Variants in RALYL observed in about 807,000 individuals in gnomAD.
RALYL encodes the protein RALY RNA binding protein like, also known as RNA-binding Raly-like protein.
A neutral mutation model predicts 35.1 loss-of-function variants in RALYL; 29 were observed. The observed-to-expected ratio is 0.83, with a 90% CI of 0.61 to 1.13. The LOEUF (loss-of-function observed/expected upper bound fraction) is 1.13. RALYL is among the 50% of genes most tolerant of loss of function. The probability of loss-of-function intolerance (pLI) is 0.00; values close to 1 mark genes in which losing one functional copy is unlikely to be tolerated. For synonymous variants in RALYL, 120 were observed against 127.6 expected (o/e 0.94, Z 0.40); for missense variants, 359 against 360.4 (o/e 1.00, Z 0.03).
chr8:84,701,298 G>A (rs1040065571), intron 2 of RALYL, among the ~76,000 whole-genome samples: 4 of 152,146 alleles, frequency 2.6e-5, no homozygotes, highest in African/African-American at 9.7e-5. Flanking sequence ...TCTTCCTTCA[G>A]TTATCTTTTC....
At chr8:84,674,678 A>G (rs1033623087) in intron 2 of RALYL, among the ~76,000 whole-genome samples, 3 of 152,304 alleles carry the variant, frequency 2.0e-5, no homozygotes, top group Admixed American at 2.0e-4. Flanking sequence ...TGTATAATCC[A>G]GGTGGACAGG....
intron 1 of RALYL, among the ~76,000 whole-genome samples, chr8:84,206,081 T>G (rs1482520884): frequency 6.6e-6 from 1 of 152,170 alleles, no homozygotes; most frequent in Non-Finnish European, 1.5e-5. Flanking sequence ...TTATTACCTC[T>G]TTAAAGGCCC....
chr8:84,512,858 G>T (rs181677556), intron 1 of RALYL, among the ~76,000 whole-genome samples: 26 of 152,042 alleles, frequency 1.7e-4, no homozygotes, highest in Non-Finnish European at 1.5e-4. Context: ...TTTATTTCTG[G>T]GTTATCAATA....
chr8:84,751,282 A>T (rs559992578), intron 2 of RALYL, among the ~76,000 whole-genome samples: 40 of 152,132 alleles, frequency 2.6e-4, no homozygotes, highest in African/African-American at 9.2e-4. Flanking sequence ...ATCTTGGCTC[A>T]CTGCAACCTC....
intron 7 of RALYL, among the ~76,000 whole-genome samples, chr8:84,876,663 G>T (rs1841209875): frequency 6.6e-6 from 1 of 151,630 alleles, no homozygotes; most frequent in African/African-American, 2.4e-5. Flanking sequence ...TTTCTGAAGT[G>T]AAAAGGCAAT....
At chr8:84,605,310 G>A (rs763707125) in intron 2 of RALYL, among the ~76,000 whole-genome samples, 14 of 151,996 alleles carry the variant, frequency 9.2e-5, no homozygotes, top group Non-Finnish European at 1.9e-4. Context: ...AAAGAACATC[G>A]TCTTTTTATT....
chr8:84,501,605 T>C (rs1478889991), intron 1 of RALYL, among the ~76,000 whole-genome samples: 1 of 151,916 alleles, frequency 6.6e-6, no homozygotes, highest in Non-Finnish European at 1.5e-5. Flanking sequence ...ATATACAAAT[T>C]GGAAAATCAC....
intron 1 of RALYL, among the ~76,000 whole-genome samples, chr8:84,459,667 TGTTTTGATGG>T (rs1490046016): frequency 9.2e-5 from 14 of 151,826 alleles, no homozygotes; most frequent in Non-Finnish European, 1.6e-4. Context: ...AGAGAGTTTC[TGTTTTGATGG>T]CTTCTATTTT....
At chr8:84,888,398 G>A (rs1313141367) in intron 8 of RALYL, among the ~76,000 whole-genome samples, 1 of 152,022 alleles carries the variant, frequency 6.6e-6, no homozygotes, top group Non-Finnish European at 1.5e-5. Flanking sequence ...ACCACATCAC[G>A]GACTTGGTAA....
chr8:84,560,628 T>C (rs1299626360), intron 2 of RALYL, among the ~76,000 whole-genome samples: 1 of 152,044 alleles, frequency 6.6e-6, no homozygotes, highest in African/African-American at 2.4e-5. Context: ...TTATTTTGCA[T>C]CCAAAAATAT....
intron 1 of RALYL, among the ~76,000 whole-genome samples, chr8:84,507,106 G>A (rs991838598): frequency 6.6e-6 from 1 of 151,960 alleles, no homozygotes; most frequent in Non-Finnish European, 1.5e-5. Flanking sequence ...GTTCACCACT[G>A]TTTCTACTCT....
At chr8:84,464,575 A>G (rs1350098874) in intron 1 of RALYL, among the ~76,000 whole-genome samples, 1 of 148,320 alleles carries the variant, frequency 6.7e-6, no homozygotes, top group Non-Finnish European at 1.5e-5. Context: ...AGTCTTTGCT[A>G]TTGTGAATAA....
intron 1 of RALYL, among the ~76,000 whole-genome samples, chr8:84,456,441 C>T (rs1411294367): frequency 6.6e-6 from 1 of 151,960 alleles, no homozygotes; most frequent in South Asian, 2.1e-4. Context: ...CAATACTACT[C>T]CTGGGCATCC....
At chr8:84,673,298 A>C (rs942681131) in intron 2 of RALYL, among the ~76,000 whole-genome samples, 5 of 151,830 alleles carry the variant, frequency 3.3e-5, no homozygotes, top group African/African-American at 4.8e-5. Flanking sequence ...AACTGCAAAA[A>C]TTTTCTCCCA....
intron 1 of RALYL, among the ~76,000 whole-genome samples, chr8:84,327,634 G>A (rs1410436856): frequency 6.6e-6 from 1 of 151,780 alleles, no homozygotes; most frequent in African/African-American, 2.4e-5. Context: ...TGACGGAGGT[G>A]GTATGACCCA....
At chr8:84,843,852 A>C (rs1041017682) in intron 4 of RALYL, among the ~76,000 whole-genome samples, 1 of 152,204 alleles carries the variant, frequency 6.6e-6, no homozygotes, top group Non-Finnish European at 1.5e-5. Context: ...AACCTGACAA[A>C]AACAAGCAAT....
chr8:84,882,346 A>G (rs1461325109), intron 7 of RALYL, among the ~76,000 whole-genome samples: 1 of 151,848 alleles, frequency 6.6e-6, no homozygotes, highest in Non-Finnish European at 1.5e-5. Flanking sequence ...TTCACATTTC[A>G]TTTTTCTCTT....
chr8:84,230,230 A>G (rs1224907563), intron 1 of RALYL, among the ~76,000 whole-genome samples: 1 of 152,116 alleles, frequency 6.6e-6, no homozygotes, highest in African/African-American at 2.4e-5. Flanking sequence ...ATTTTATGGT[A>G]GCTAATATAA....
intron 1 of RALYL, among the ~76,000 whole-genome samples, chr8:84,310,304 G>C (rs887780201): frequency 4.0e-5 from 6 of 151,816 alleles, no homozygotes; most frequent in African/African-American, 1.5e-4. Context: ...CTTCCAAAGT[G>C]CTGGGATTAC....
Sources: allele counts gnomAD v4.1 joint callset (sites outside exome capture counted in the v4.1 genomes callset), GRCh38; gene constraint gnomAD v4.1.1; transcripts MANE v1.5; gene names NCBI Gene and HGNC (gene_info 2026-07-23, HGNC 2026-07-21).